Variants in PC observed in about 807,000 individuals in gnomAD.
PC encodes the protein pyruvate carboxylase.
Under a neutral mutation model 107.8 loss-of-function variants are expected in PC, and 46 were observed. The ratio of observed to expected loss-of-function variants is 0.43; its 90% confidence interval spans 0.34 to 0.55. PC has a LOEUF of 0.55. Ranked by LOEUF, PC falls within the 20% of genes least tolerant of loss-of-function variation. The probability of loss-of-function intolerance (pLI) is 0.04; values close to 1 mark genes in which losing one functional copy is unlikely to be tolerated. For synonymous variants in PC, 662 were observed against 684.7 expected (o/e 0.97, Z 0.52); for missense variants, 1,241 against 1,643.1 (o/e 0.76, Z 4.23).
rs1239741617 is a variant in PC, at chr11:66,945,337, G to GT, written c.-1+7092dup. ...AAAGAATCTAAACTGTATCTATTTT[G>GT]TATTTAGTTCCACCTATTTTTGTGG... On this transcript the variant is annotated intron_variant, in intron 3 of 22. Transcript: ENST00000393960. Among the ~76,000 whole-genome samples, 4 of 108,600 alleles carry GT rather than the reference G, an allele frequency of 3.7e-5. 2 individuals carry two copies. In the South Asian group the frequency reaches 1.1e-3, roughly 29 times the overall value. The allele number at this position is 108,600 out of a possible 152,430, so 71.2% of individuals were successfully genotyped here.
intron 12 of PC, among the ~76,000 whole-genome samples, chr11:66,859,342 C>T (rs546574471): frequency 6.6e-5 from 10 of 152,310 alleles, no homozygotes; most frequent in African/African-American, 2.4e-4. Flanking sequence ...GCAGGCCTCC[C>T]CGGCAGCAGG....
At chr11:66,922,296 CG>C (rs1389893106) in intron 3 of PC, among the ~76,000 whole-genome samples, 3 of 151,930 alleles carry the variant, frequency 2.0e-5, no homozygotes, top group Non-Finnish European at 2.9e-5. Context: ...GAGCCTAGAC[CG>C]GGCACAGTGG....
At chr11:66,860,229 G>A (rs959150224) in intron 12 of PC, 6 of 1,539,568 alleles carry the variant, frequency 3.9e-6, no homozygotes, top group East Asian at 2.4e-5. Context: ...TCCAAGGGAT[G>A]AGCCTCGTGG....
rs114533877 is a variant in PC, at chr11:66,886,107, G to A, written c.1-13948C>T. Among the ~76,000 whole-genome samples the A allele has an allele frequency of 9.2e-3, 1,403 of 152,106 alleles. 27 individuals are homozygous for A. The highest frequency in any genetic ancestry group is 0.031 in the African/African-American group (1,300 of 41,474). On this transcript the variant is annotated intron_variant, in intron 3 of 22. Transcript: ENST00000393960. ...AGTGAAGGATGATGAGGCGGGCCAC[G>A]CCTGCGTGGAGAGCAGGGCAGAGTT...
intron 3 of PC, among the ~76,000 whole-genome samples, chr11:66,882,580 A>G (rs1947222359): frequency 6.6e-6 from 1 of 152,160 alleles, no homozygotes; most frequent in Non-Finnish European, 1.5e-5. Context: ...CTCCGAACCA[A>G]CAAAGCTCCA....
At chr11:66,896,350 A>G (rs973497571) in intron 3 of PC, among the ~76,000 whole-genome samples, 3 of 152,198 alleles carry the variant, frequency 2.0e-5, no homozygotes, top group African/African-American at 4.8e-5. Context: ...AAGTGCTGGG[A>G]TTACAGGCAT....
Position 66,851,915 on chromosome 11 carries a change from C to G in PC, c.1857G>C (p.Leu619=), listed in dbSNP as rs375004742. The G allele has an allele frequency of 6.2e-7, 1 of 1,613,956 alleles. No individual in the cohort carries two copies. Among genetic ancestry groups the G allele is most frequent in the Non-Finnish European group, 8.5e-7 (1 of 1,180,024 alleles). The stretch of plus-strand genomic sequence containing the variant: ...GCAGCCGCCGCCAGGGGCACTCATA[C>G]AGGAAGCGCATGGCGACGTCAAACG... ...GATFDVAMRF[L]YECPWRRLQE... is the part of the protein sequence containing the mutation. The change falls in exon 16 of 23, where the codon CTG becomes CTC. Residue 619 remains leucine, a synonymous_variant. Transcript: ENST00000393960.
chr11:66,863,882 G>T lies in PC; in HGVS notation c.1260C>A (p.Pro420=). The change falls in exon 12 of 23, where the codon CCC becomes CCA. Residue 420 remains proline (P), a synonymous_variant. Transcript: ENST00000393960. ...CTTTGACCAGCAGGGAGTCGTAGTGGGGCGAGATGACGGCTCCTTGGAAGG... is the reference window on the plus strand; with the variant it reads ...CTTTGACCAGCAGGGAGTCGTAGTGTGGCGAGATGACGGCTCCTTGGAAGG... ...ASAFQGAVIS[P]HYDSLLVKVI... The T allele has an allele frequency of 1.2e-6, 2 of 1,614,132 alleles. No homozygotes were observed. The highest frequency in any genetic ancestry group is 1.7e-6 in the Non-Finnish European group (2 of 1,180,042).
At chr11:66,916,634 A>G (rs953328040) in intron 3 of PC, among the ~76,000 whole-genome samples, 1 of 152,196 alleles carries the variant, frequency 6.6e-6, no homozygotes, top group Non-Finnish European at 1.5e-5. Context: ...GGAGAAAAGC[A>G]TGACACTACA....
In PC at chr11:66,848,570, G is replaced by A. The variant is rs1945286291; in HGVS notation, c.*329C>T. The A allele has an allele frequency of 1.7e-6, 1 of 597,452 alleles. No homozygotes were observed. Among genetic ancestry groups the A allele is most frequent in the Non-Finnish European group, 3.0e-6 (1 of 335,414 alleles). The allele number at this position is 597,452 out of a possible 1,614,324, so 37.0% of individuals were successfully genotyped here. On this transcript the variant is annotated 3_prime_UTR_variant, in exon 23 of 23. Transcript: ENST00000393960. ...ATTGAGTAAACTTCCCAGGACCTGG[G>A]ACATCTTAGATCTCCCCTTCCCCCA...
chr11:66,850,211 C>A lies in PC; in HGVS notation c.2718+9G>T. 1 of 1,613,920 alleles carries A rather than the reference C, an allele frequency of 6.2e-7. No homozygotes were observed. ...CTGGGTCAGGTAAGGAGCACCGGGC[C>A]GGGCTCACCTTGATGAGATCGCCCA... On this transcript the variant is annotated intron_variant, in intron 19 of 22. Coordinates refer to ENST00000393960, the MANE Select transcript of PC (RefSeq NM_001040716.2).
At chr11:66,932,844 CT>C (rs1302874084) in intron 3 of PC, among the ~76,000 whole-genome samples, 1 of 152,174 alleles carries the variant, frequency 6.6e-6, no homozygotes, top group Non-Finnish European at 1.5e-5. Context: ...AGCAAATGCC[CT>C]GTCTTTTCTG....
At chr11:66,927,750 G>T (rs2136105266) in intron 3 of PC, among the ~76,000 whole-genome samples, 1 of 151,794 alleles carries the variant, frequency 6.6e-6, no homozygotes, top group East Asian at 1.9e-4. Flanking sequence ...GATAGAATCT[G>T]GGATGCCAAC....
intron 3 of PC, among the ~76,000 whole-genome samples, chr11:66,937,779 TG>T (rs1217443464): frequency 7.3e-5 from 11 of 150,148 alleles, no homozygotes; most frequent in Non-Finnish European, 8.8e-5. Flanking sequence ...GGGTTTTTTT[TG>T]TTTTTTTTTT....
At chr11:66,931,924 C>T (rs2136112524) in intron 3 of PC, among the ~76,000 whole-genome samples, 1 of 149,424 alleles carries the variant, frequency 6.7e-6, no homozygotes, top group Middle Eastern at 3.6e-3. Flanking sequence ...GAGGCTGAGG[C>T]AGGAGAATGG....
Position 66,866,107 on chromosome 11 carries a change from C to G in PC, c.1185+80G>C, listed in dbSNP as rs140943611. On this transcript the variant is annotated intron_variant, in intron 11 of 22. Coordinates refer to ENST00000393960, the MANE Select transcript of PC (RefSeq NM_001040716.2). This position sits in a 1 kb window ranked among gnomAD's most constrained non-coding sequence, Gnocchi z 5.4. The stretch of plus-strand genomic sequence containing the variant: ...CTCCCTAACTGCCGGGCTGTGGCAA[C>G]TTGGCACTGCAGCCCCAGGCACCAG... 4.5e-4 allele frequency: 682 copies of G among 1,511,892 alleles called. 6 individuals carry two copies. In the African/African-American group the frequency reaches 8.5e-3, roughly 19 times the overall value. The allele number at this position is 1,511,892 out of a possible 1,614,324, so 93.7% of individuals were successfully genotyped here.
At chr11:66,863,534 C>T (rs1459569791) in intron 12 of PC, among the ~76,000 whole-genome samples, 1 of 152,152 alleles carries the variant, frequency 6.6e-6, no homozygotes, top group Non-Finnish European at 1.5e-5. Context: ...CATGTGAGGA[C>T]GAGCTCCGGC....
At chr11:66,916,366 G>C (rs115324099) in intron 3 of PC, among the ~76,000 whole-genome samples, 5,535 of 152,254 alleles carry the variant, frequency 0.036, 338 homozygotes, top group African/African-American at 0.12. Context: ...GATTACAGGC[G>C]TGAGCCACTG....
chr11:66,873,319 C>T (rs966248688), intron 3 of PC, among the ~76,000 whole-genome samples: 22 of 133,308 alleles, frequency 1.7e-4, no homozygotes, highest in Non-Finnish European at 3.2e-4. Flanking sequence ...GTCTGGGTGA[C>T]ACAGCAAGAC....
Sources: allele counts gnomAD v4.1 joint callset (sites outside exome capture counted in the v4.1 genomes callset), GRCh38; gene constraint gnomAD v4.1.1; non-coding constraint Gnocchi (gnomAD v3.1); transcripts MANE v1.5; gene names NCBI Gene and HGNC (gene_info 2026-07-23, HGNC 2026-07-21).